LARS2: variants seen among roughly 807,000 people sequenced by gnomAD.
The protein encoded by LARS2 is leucine--tRNA ligase, mitochondrial.
LARS2 carries 81 observed loss-of-function variants against 116.6 expected under a neutral mutation model. The observed-to-expected ratio is 0.69, with a 90% CI of 0.58 to 0.84. The LOEUF is 0.84. Ranked by LOEUF, LARS2 falls within the 40% of genes least tolerant of loss-of-function variation. The probability of loss-of-function intolerance (pLI) is 0.00; values close to 1 mark genes in which losing one functional copy is unlikely to be tolerated. For missense variants in LARS2, 968 were observed against 1,114.5 expected (o/e 0.87, Z 1.87); for synonymous variants, 396 against 407.2 (o/e 0.97, Z 0.33).
chr3:45,415,878 G>A (rs7621266), intron 4 of LARS2, among the ~76,000 whole-genome samples: 2 of 81,670 alleles, frequency 2.4e-5, no homozygotes, highest in Admixed American at 2.2e-4. Context: ...TATATATATA[G>A]AGAGAGAGAG....
intron 15 of LARS2, among the ~76,000 whole-genome samples, chr3:45,511,470 G>C (rs1700287989): frequency 6.6e-6 from 1 of 152,048 alleles, no homozygotes; most frequent in African/African-American, 2.4e-5. Flanking sequence ...CTGCTAATTG[G>C]GCTGAATGCC....
intron 15 of LARS2, among the ~76,000 whole-genome samples, chr3:45,506,058 C>A (rs1337090140): frequency 1.3e-5 from 2 of 152,088 alleles, no homozygotes; most frequent in African/African-American, 2.4e-5. Context: ...CATTAAGGAA[C>A]AACTATATGG....
At chr3:45,418,527 G>A (rs1422419166) in intron 5 of LARS2, among the ~76,000 whole-genome samples, 3 of 152,188 alleles carry the variant, frequency 2.0e-5, no homozygotes, top group Admixed American at 1.3e-4. Context: ...TTTGATATAA[G>A]GTAGACCAGG....
chr3:45,441,093 T>G (rs891029222), intron 6 of LARS2, among the ~76,000 whole-genome samples: 8 of 149,370 alleles, frequency 5.4e-5, no homozygotes, highest in Non-Finnish European at 1.0e-4. Flanking sequence ...TGGCACAGTC[T>G]CGGCTCACTG....
chr3:45,475,483 A>G (rs748159151), intron 9 of LARS2, among the ~76,000 whole-genome samples: 1 of 152,230 alleles, frequency 6.6e-6, no homozygotes, highest in Non-Finnish European at 1.5e-5. Flanking sequence ...CTGCAAGGCC[A>G]TCTCTTTCAG....
At chr3:45,430,440 C>T (rs538581816) in intron 6 of LARS2, among the ~76,000 whole-genome samples, 95 of 137,940 alleles carry the variant, frequency 6.9e-4, no homozygotes, top group Non-Finnish European at 1.1e-3. Context: ...CACCATGCCC[C>T]GCTAAATTTT....
chr3:45,543,940 T>G (rs1391999021), intron 21 of LARS2, among the ~76,000 whole-genome samples: 1 of 152,172 alleles, frequency 6.6e-6, no homozygotes, highest in Non-Finnish European at 1.5e-5. Context: ...TGAGTTTTGA[T>G]CGTTGGTAAA....
At chr3:45,431,537 G>A (rs537667676) in intron 6 of LARS2, among the ~76,000 whole-genome samples, 1 of 152,110 alleles carries the variant, frequency 6.6e-6, no homozygotes, top group Non-Finnish European at 1.5e-5. Context: ...GATTAGGGAC[G>A]GAGCTGTATA....
chr3:45,438,985 C>T (rs1249855596), intron 6 of LARS2, among the ~76,000 whole-genome samples: 1 of 152,052 alleles, frequency 6.6e-6, no homozygotes, highest in Non-Finnish European at 1.5e-5. Context: ...GACTCAAAGT[C>T]AGGGCTGTAC....
intron 21 of LARS2, 103 bp from the exon 22 acceptor site, chr3:45,547,248 A>T (rs1700888999): frequency 1.8e-6 from 2 of 1,082,158 alleles, no homozygotes; most frequent in Non-Finnish European, 2.7e-6. Context: ...CTTTCCCCTA[A>T]ACAAATGCAG....
At chr3:45,415,923 A>G (rs927276433) in intron 4 of LARS2, among the ~76,000 whole-genome samples, 1 of 139,712 alleles carries the variant, frequency 7.2e-6, no homozygotes, top group Non-Finnish European at 1.5e-5. Context: ...AGAGAGAGAG[A>G]GGCTATTTTA....
chr3:45,400,663 A>T (rs958345421), intron 4 of LARS2, among the ~76,000 whole-genome samples: 1 of 152,222 alleles, frequency 6.6e-6, no homozygotes, highest in African/African-American at 2.4e-5. Context: ...TAATCTTCCC[A>T]GGAGATACTC....
chr3:45,466,786 G>A (rs1431563918), intron 8 of LARS2, among the ~76,000 whole-genome samples: 2 of 151,936 alleles, frequency 1.3e-5, no homozygotes, highest in African/African-American at 4.8e-5. Context: ...GTACAATCTC[G>A]GCTCACTGCA....
chr3:45,485,918 A>C, intron 11 of LARS2, 122 bp downstream of exon 11: 1 of 551,122 alleles, frequency 1.8e-6, no homozygotes, highest in Non-Finnish European at 3.3e-6. Flanking sequence ...TTGCCTCCTC[A>C]TAAAAATGAA....
intron 13 of LARS2, among the ~76,000 whole-genome samples, chr3:45,494,998 G>A (rs1699986452): frequency 6.6e-6 from 1 of 152,176 alleles, no homozygotes; most frequent in African/African-American, 2.4e-5. Context: ...AGCCTAGGAG[G>A]CAGAGGTTGC....
intron 4 of LARS2, among the ~76,000 whole-genome samples, chr3:45,411,629 A>G (rs1343976006): frequency 6.6e-6 from 1 of 152,022 alleles, no homozygotes; most frequent in East Asian, 1.9e-4. Flanking sequence ...ATGTTAAATG[A>G]AAAAAGGTCA....
At position 45,394,276 on chromosome 3, in the gene LARS2, G is replaced by C. The variant is rs538547443; in HGVS notation, c.-21-157G>C. 8.5e-5 allele frequency among the ~76,000 whole-genome samples: 13 copies of C among 152,320 alleles called. No homozygotes were observed. In the East Asian group the frequency reaches 1.9e-3, roughly 23 times the overall value. ...TTTTCTATTAAAAAGTTTGTGTTTA[G>C]CTCAATTGAATTGCTAAAGTATTCT... On this transcript the variant is annotated intron_variant, in intron 2 of 21. Coordinates refer to ENST00000645846, the MANE Select transcript of LARS2 (RefSeq NM_015340.4).
chr3:45,430,876 C>T (rs1158470929), intron 6 of LARS2, among the ~76,000 whole-genome samples: 1 of 152,194 alleles, frequency 6.6e-6, no homozygotes, highest in South Asian at 2.1e-4. Context: ...TGAGCCACTG[C>T]GCCCGGCCCA....
intron 19 of LARS2, among the ~76,000 whole-genome samples, chr3:45,521,159 G>T (rs1434474585): frequency 1.3e-5 from 2 of 152,092 alleles, no homozygotes; most frequent in African/African-American, 4.8e-5. Context: ...CAAAAAATTA[G>T]CCAGGCGTGG....
Sources: allele counts gnomAD v4.1 joint callset (sites outside exome capture counted in the v4.1 genomes callset), GRCh38; gene constraint gnomAD v4.1.1; transcripts MANE v1.5; gene names NCBI Gene and HGNC (gene_info 2026-07-23, HGNC 2026-07-21).